TRPM7: variants seen among roughly 807,000 people sequenced by gnomAD.
TRPM7 encodes transient receptor potential cation channel subfamily M member 7, also known as LTRPC ion channel family member 7.
Under a neutral mutation model 229.7 loss-of-function variants are expected in TRPM7, and 134 were observed. That is an observed-to-expected ratio of 0.58 (90% confidence interval 0.51 to 0.67). The LOEUF (loss-of-function observed/expected upper bound fraction) is 0.67. TRPM7 is among the 30% of genes least tolerant of loss of function. The probability of loss-of-function intolerance (pLI) is 0.00; values close to 1 mark genes in which losing one functional copy is unlikely to be tolerated. For synonymous variants in TRPM7, 699 were observed against 715.2 expected (o/e 0.98, Z 0.36); for missense variants, 1,901 against 2,210.0 (o/e 0.86, Z 2.80).
Position 50,657,762 on chromosome 15 carries a change from A to G in TRPM7, c.122+19T>C. 6.2e-7 allele frequency: 1 copy of G among 1,609,726 alleles called. No individual in the cohort carries two copies. Reference sequence around the variant, plus strand: ...ATTTATTTTCCGAAATTTGTGCGGTATAGTTATGTTAAACTTACCTGACGA... The same window carrying G: ...ATTTATTTTCCGAAATTTGTGCGGTGTAGTTATGTTAAACTTACCTGACGA... On this transcript the variant is annotated intron_variant, in intron 3 of 38. Coordinates refer to ENST00000646667, the MANE Select transcript of TRPM7 (RefSeq NM_017672.6).
chr15:50,587,935 C>T (rs553093534), intron 27 of TRPM7, among the ~76,000 whole-genome samples: 27 of 152,252 alleles, frequency 1.8e-4, no homozygotes, highest in Non-Finnish European at 3.7e-4. Flanking sequence ...GTTCTTTCTT[C>T]TTTCTAGCAC....
At chr15:50,629,778 T>A (rs1400208534) in intron 10 of TRPM7, among the ~76,000 whole-genome samples, 3 of 151,794 alleles carry the variant, frequency 2.0e-5, no homozygotes, top group Non-Finnish European at 2.9e-5. Flanking sequence ...AGATAAATAA[T>A]GTAAACCACT....
At chr15:50,610,377 A>G (rs2060035222) in intron 17 of TRPM7, among the ~76,000 whole-genome samples, 1 of 152,124 alleles carries the variant, frequency 6.6e-6, no homozygotes, top group African/African-American at 2.4e-5. Context: ...GTGATTACTC[A>G]GCTTGTGCCT....
chr15:50,604,975 G>C lies in TRPM7; in HGVS notation c.2879C>G (p.Ala960Gly), dbSNP rs775946512. 3.1e-6 allele frequency: 5 copies of C among 1,613,788 alleles called. No individual in the cohort carries two copies. In the Admixed American group the frequency reaches 8.3e-5, roughly 27 times the overall value. Residue 960 changes from alanine to glycine, a missense_variant, in exon 21 of 39, where the codon GCT (alanine) becomes GGT (glycine). Physicochemically the swap from Ala to Gly is moderately conservative, Grantham distance 60 (BLOSUM62 0). This residue lies in a region of TRPM7 where 207 missense variants were observed against 241.5 expected (regional missense o/e 0.86). Transcript: ENST00000646667. ...GTTAAGACAGTAAATTAATCTTCCA[G>C]CCACAAAAACATGATTATCATATGC... ...ANAYDNHVFV[A>G]GRLIYCLNII...
intron 3 of TRPM7, among the ~76,000 whole-genome samples, chr15:50,656,707 T>A (rs770157674): frequency 3.3e-5 from 5 of 152,038 alleles, no homozygotes; most frequent in Non-Finnish European, 5.9e-5. Context: ...ATAAACCCAT[T>A]CTATGTACTT....
At chr15:50,606,109 G>A (rs148446267) in intron 20 of TRPM7, among the ~76,000 whole-genome samples, 10 of 152,148 alleles carry the variant, frequency 6.6e-5, no homozygotes, top group Non-Finnish European at 8.8e-5. Context: ...GGCCAGGTGC[G>A]GTGGCTCACG....
chr15:50,579,950 C>T (rs748619630), intron 30 of TRPM7, among the ~76,000 whole-genome samples: 5 of 152,142 alleles, frequency 3.3e-5, no homozygotes, highest in Non-Finnish European at 5.9e-5. Flanking sequence ...CTATACCCAG[C>T]TAATTTAGAG....
intron 3 of TRPM7, among the ~76,000 whole-genome samples, chr15:50,651,155 C>G (rs1312170167): frequency 1.3e-5 from 2 of 152,128 alleles, no homozygotes; most frequent in South Asian, 2.1e-4. Context: ...CCACTGCACT[C>G]CAGCCTGGGT....
chr15:50,612,792 GTTCTT>G lies in TRPM7; in HGVS notation c.1803_1807del (p.Lys601AsnfsTer4), dbSNP rs770619565. Reference sequence around the variant, plus strand: ...ATCAATGTCTACAATTTCATCTTTGGTTCTTTTCTTCTTTCCTTCTTCCATAACTG... The same window carrying G: ...ATCAATGTCTACAATTTCATCTTTGGTTCTTCTTTCCTTCTTCCATAACTG... On this transcript the variant is annotated frameshift_variant, in exon 16 of 39. Coordinates refer to ENST00000646667, the MANE Select transcript of TRPM7 (RefSeq NM_017672.6). LOFTEE classifies it high-confidence loss of function. The G allele has an allele frequency of 2.5e-6, 4 of 1,613,590 alleles. No homozygotes were observed. Among genetic ancestry groups the G allele is most frequent in the Non-Finnish European group, 2.5e-6 (3 of 1,179,932 alleles).
chr15:50,635,976 C>A (rs2060891104), intron 7 of TRPM7, among the ~76,000 whole-genome samples: 1 of 150,140 alleles, frequency 6.7e-6, no homozygotes, highest in African/African-American at 2.5e-5. Flanking sequence ...GAGACTCCAT[C>A]TCAAAAAAAG....
intron 13 of TRPM7, among the ~76,000 whole-genome samples, chr15:50,615,668 G>A (rs566465144): frequency 2.0e-5 from 3 of 151,738 alleles, no homozygotes; most frequent in African/African-American, 7.3e-5. Context: ...CACTGGGCAC[G>A]GTGGCTCACC....
chr15:50,568,513 AC>A (rs1365442911), intron 38 of TRPM7, among the ~76,000 whole-genome samples: 1 of 152,180 alleles, frequency 6.6e-6, no homozygotes. Context: ...CCATTTACAT[AC>A]CTAATAATGC....
At chr15:50,565,728 A>G (rs1407470579) in intron 38 of TRPM7, among the ~76,000 whole-genome samples, 1 of 152,178 alleles carries the variant, frequency 6.6e-6, no homozygotes, top group Non-Finnish European at 1.5e-5. Flanking sequence ...CACTAGCAAC[A>G]AACTTTAATT....
intron 4 of TRPM7, 125 bp downstream of exon 4, chr15:50,648,562 C>T (rs1680271120): frequency 1.4e-6 from 1 of 736,036 alleles, no homozygotes; most frequent in Admixed American, 2.8e-5. Flanking sequence ...TTGTATGCAC[C>T]TTTGTACTTT....
chr15:50,567,317 C>A (rs1421792645), intron 38 of TRPM7, among the ~76,000 whole-genome samples: 1 of 152,096 alleles, frequency 6.6e-6, no homozygotes, highest in Non-Finnish European at 1.5e-5. Context: ...CCCAATGCTA[C>A]CCCTGTCCCC....
chr15:50,604,259 T>G (rs963319398), intron 21 of TRPM7: 1 of 152,206 alleles, frequency 6.6e-6, no homozygotes, highest in African/African-American at 2.4e-5. Flanking sequence ...TTAGGTATTT[T>G]GGGTTTAACT....
intron 28 of TRPM7, among the ~76,000 whole-genome samples, chr15:50,586,015 T>C (rs2059334167): frequency 6.6e-6 from 1 of 152,216 alleles, no homozygotes; most frequent in Non-Finnish European, 1.5e-5. Flanking sequence ...TCAGAGTGTG[T>C]GTATTTTAAT....
At position 50,591,910 on chromosome 15, in the gene TRPM7, C is replaced by G; in HGVS notation, c.4324+1G>C. ...TACAAATACGAATTTGCCAAACTTA[C>G]CTACAAATGCTCCAAATTCTGTATT... is the stretch of plus-strand genomic sequence containing the variant. On this transcript the variant is annotated splice_donor_variant, in intron 26 of 38. Transcript: ENST00000646667. LOFTEE classifies it high-confidence loss of function. 1.3e-6 allele frequency: 2 copies of G among 1,538,296 alleles called. No homozygotes were observed. The highest frequency in any genetic ancestry group is 1.3e-5 in the South Asian group (1 of 75,826).
chr15:50,659,240 T>C (rs571384406), intron 2 of TRPM7, among the ~76,000 whole-genome samples: 109 of 151,806 alleles, frequency 7.2e-4, no homozygotes, highest in African/African-American at 2.6e-3. Context: ...CAAGATAAGT[T>C]ACAGTCACAG....
Sources: gnomAD v4.1 joint callset for allele counts (sites outside exome capture counted in the v4.1 genomes callset) on GRCh38, gnomAD v4.1.1 for gene constraint, gnomAD v4.1.1 regional missense constraint, MANE v1.5 for transcripts, NCBI Gene and HGNC (gene_info 2026-07-23, HGNC 2026-07-21) for gene names.